SPIRE2: variants seen among roughly 807,000 people sequenced by gnomAD.
SPIRE2 encodes the protein spire type actin nucleation factor 2, also known as protein spire homolog 2.
In SPIRE2, 76 loss-of-function variants were observed where a neutral mutation model predicts 80.7. That is an observed-to-expected ratio of 0.94 (90% CI 0.78 to 1.14). The LOEUF is 1.14. SPIRE2 is among the 50% of genes most tolerant of loss of function. The pLI is 0.00. For missense variants in SPIRE2, 1,196 were observed against 1,015.3 expected (o/e 1.18, Z -2.42); for synonymous variants, 535 against 432.6 (o/e 1.24, Z -2.94).
At chr16:89,851,603 C>G (rs916631017) in intron 3 of SPIRE2, among the ~76,000 whole-genome samples, 1 of 152,096 alleles carries the variant, frequency 6.6e-6, no homozygotes, top group Admixed American at 6.5e-5. Flanking sequence ...CCTATCTCTC[C>G]GTGGACTCAG....
chr16:89,843,670 T>TTTTTTTTTGG (rs1567671294), intron 1 of SPIRE2, among the ~76,000 whole-genome samples: 1 of 56,928 alleles, frequency 1.8e-5, no homozygotes, highest in Non-Finnish European at 3.0e-5. Context: ...CTGCCACGTT[T>TTTTTTTTTGG]TTTTTTTTTT....
intron 5 of SPIRE2, 32 bp from the exon 6 acceptor site, chr16:89,855,568 G>C: frequency 6.2e-7 from 1 of 1,603,000 alleles, no homozygotes; most frequent in South Asian, 1.1e-5. Context: ...GATGGTCCCT[G>C]CAGGGCCTCA....
intron 1 of SPIRE2, among the ~76,000 whole-genome samples, chr16:89,838,164 A>ATTTTTTTTT (rs34507409): frequency 5.4e-4 from 47 of 87,498 alleles, no homozygotes; most frequent in South Asian, 8.3e-4. Flanking sequence ...CACGCTCAGC[A>ATTTTTTTTT]TTTTTTTTTT....
intron 9 of SPIRE2, 50 bp from the exon 10 acceptor site, chr16:89,860,633 T>A (rs755320658): frequency 3.1e-6 from 4 of 1,303,866 alleles, no homozygotes; most frequent in Non-Finnish European, 4.3e-6. Flanking sequence ...CAGTCCTCTT[T>A]ACCACAGCTC....
At chr16:89,857,632 G>A (rs1171924919) in intron 7 of SPIRE2, among the ~76,000 whole-genome samples, 12 of 150,654 alleles carry the variant, frequency 8.0e-5, no homozygotes, top group Admixed American at 3.3e-4. Context: ...GTGCAGTGGC[G>A]CTATCTCAGC....
chr16:89,870,188 G>A lies in SPIRE2; in HGVS notation c.2061G>A (p.Val687=). ...TGGTGCGTTCCAGCCGCAAGAGCGT[G>A]GACGTCCTCAACACTACGCCACGAC... ...ADVVRSSRKS[V]DVLNTTPRRS... Residue 687 remains valine, a synonymous_variant, in exon 15 of 15, where the codon GTG becomes GTA. Transcript: ENST00000378247. The A allele has an allele frequency of 6.2e-7, 1 of 1,610,316 alleles. No individual in the cohort carries two copies. Among genetic ancestry groups the A allele is most frequent in the Non-Finnish European group, 8.5e-7 (1 of 1,178,482 alleles).
chr16:89,837,240 C>T (rs1234224853), intron 1 of SPIRE2, among the ~76,000 whole-genome samples: 1 of 152,142 alleles, frequency 6.6e-6, no homozygotes, highest in Non-Finnish European at 1.5e-5. Flanking sequence ...GTAACAAGTT[C>T]CCTGGTCTGC....
In SPIRE2 at chr16:89,858,462, C is replaced by T; in HGVS notation, c.1227C>T (p.Leu409=). ...AGCGCCCGCGGCCCCGCGTGCTGCT[C>T]AAGGCGCCTACCTTGGCTGAAATGG... ...SAQRPRPRVL[L]KAPTLAEMEE... is the part of the protein sequence containing the mutation. Residue 409 remains leucine (L), a synonymous_variant, in exon 8 of 15, where the codon CTC becomes CTT. Transcript: ENST00000378247. 2.5e-6 allele frequency: 4 copies of T among 1,609,056 alleles called. No homozygotes were observed. In the South Asian group the frequency reaches 4.4e-5, roughly 18 times the overall value.
intron 5 of SPIRE2, 83 bp downstream of exon 5, chr16:89,854,734 T>TGGTGAGCGGGGCAGGCGCAGAG (rs1297251888): frequency 7.5e-7 from 1 of 1,332,156 alleles, no homozygotes; most frequent in Non-Finnish European, 1.0e-6. Flanking sequence ...GCCTGGATGT[T>TGGTGAGCGGGGCAGGCGCAGAG]GGGCAGCCCA....
chr16:89,868,525 G>A (rs2041809092), intron 13 of SPIRE2, among the ~76,000 whole-genome samples: 1 of 152,174 alleles, frequency 6.6e-6, no homozygotes, highest in East Asian at 1.9e-4. Flanking sequence ...CAGTTGAGGT[G>A]TGTGCTTATG....
chr16:89,853,487 G>A lies in SPIRE2; in HGVS notation c.646-799G>A, dbSNP rs529312387. Among the ~76,000 whole-genome samples, 5 of 152,312 alleles carry A rather than the reference G, an allele frequency of 3.3e-5. No homozygotes were observed. In the South Asian group the frequency reaches 1.0e-3, roughly 32 times the overall value. On this transcript the variant is annotated intron_variant, in intron 3 of 14. Coordinates refer to ENST00000378247, the MANE Select transcript of SPIRE2 (RefSeq NM_032451.2). ...GGTACAGGTGTTCCCGGAAGGACAG[G>A]AGTGCCACCCTCTGTGCCCTTTGCC...
At chr16:89,859,124 C>A in intron 8 of SPIRE2, 41 bp from the exon 9 acceptor site, 1 of 1,484,328 alleles carries the variant, frequency 6.7e-7, no homozygotes, top group Non-Finnish European at 9.1e-7. Flanking sequence ...GAGGCACTGG[C>A]GGGCATTGTC....
chr16:89,853,484 C>A (rs1336763183), intron 3 of SPIRE2, among the ~76,000 whole-genome samples: 1 of 152,160 alleles, frequency 6.6e-6, no homozygotes. Flanking sequence ...CCCGGAAGGA[C>A]AGGAGTGCCA....
At position 89,845,325 on chromosome 16, in the gene SPIRE2, C is replaced by T. The variant is rs764519296; in HGVS notation, c.248C>T (p.Pro83Leu). Residue 83 changes from proline (P) to leucine (L), a missense_variant, in exon 2 of 15, where the codon CCT becomes CTT. Pro to Leu is a moderately conservative substitution (Grantham distance 98, BLOSUM62 -3). Transcript: ENST00000378247. ...VGAREPEAAE[P>L]ATMVVPLASS... ...TTAACTCCCTCTTCTCTTACAGAAC[C>T]TGCAACCATGGTCGTGCCACTAGCC... 8 of 1,614,040 alleles carry T rather than the reference C, an allele frequency of 5.0e-6. No individual in the cohort carries two copies. The highest frequency in any genetic ancestry group is 5.9e-6 in the Non-Finnish European group (7 of 1,180,010).
chr16:89,846,042 G>A, intron 2 of SPIRE2: 1 of 172,708 alleles, frequency 5.8e-6, no homozygotes, highest in South Asian at 1.5e-4. Flanking sequence ...GACTACTGGT[G>A]CCCGCCACCA....
chr16:89,869,123 A>G (rs1170195079), intron 13 of SPIRE2, among the ~76,000 whole-genome samples: 2 of 139,778 alleles, frequency 1.4e-5, no homozygotes, highest in African/African-American at 2.7e-5. Flanking sequence ...CTTAAGGAGT[A>G]CTCTTACTAC....
intron 1 of SPIRE2, among the ~76,000 whole-genome samples, chr16:89,839,050 G>T (rs2041477987): frequency 6.6e-6 from 1 of 150,782 alleles, no homozygotes; most frequent in African/African-American, 2.4e-5. Context: ...GTGTTAAACT[G>T]TTAGGAGGGG....
intron 1 of SPIRE2, among the ~76,000 whole-genome samples, chr16:89,837,523 C>A (rs535955004): frequency 2.2e-4 from 33 of 152,354 alleles, no homozygotes; most frequent in African/African-American, 7.5e-4. Context: ...TCAGCTGCTG[C>A]CTTTCTGCTG....
chr16:89,869,527 TG>T, intron 13 of SPIRE2, 39 bp from the exon 14 acceptor site: 1 of 1,387,906 alleles, frequency 7.2e-7, no homozygotes, highest in Non-Finnish European at 1.0e-6. Flanking sequence ...TGAATGTCTC[TG>T]GTGGTGCCTG....
Sources: allele counts gnomAD v4.1 joint callset (sites outside exome capture counted in the v4.1 genomes callset), GRCh38; gene constraint gnomAD v4.1.1; transcripts MANE v1.5; gene names NCBI Gene and HGNC (gene_info 2026-07-23, HGNC 2026-07-21).